The following HIVEP3 variants were observed in gnomAD, a reference collection of about 807,000 sequenced individuals.
HIVEP3 encodes transcription factor HIVEP3.
HIVEP3 carries 49 observed loss-of-function variants against 152.8 expected under a neutral mutation model. That is an observed-to-expected ratio of 0.32 (90% CI 0.26 to 0.41). The LOEUF is 0.41. Among genes scored for constraint, HIVEP3 ranks in the 10% least tolerant of loss-of-function variants. HIVEP3 has a pLI of 1.00. For synonymous variants in HIVEP3, 1,269 were observed against 1,289.0 expected (o/e 0.98, Z 0.33); for missense variants, 2,790 against 3,103.3 (o/e 0.90, Z 2.40).
rs187593261 is a variant in HIVEP3 at position 41,551,813 on chromosome 1, T to C, written c.5207+23731A>G. Among the ~76,000 whole-genome samples, 3 of 152,346 alleles carry C rather than the reference T, an allele frequency of 2.0e-5. No individual in the cohort carries two copies. In the East Asian group the frequency reaches 5.8e-4, roughly 29 times the overall value. On this transcript the variant is annotated intron_variant, in intron 5 of 8. Coordinates refer to ENST00000372583, the MANE Select transcript of HIVEP3 (RefSeq NM_024503.5). ...GCTAATGGTCTATCAATTTTGTTGA[T>C]CTTTTAAAAACACCAGGTCCTGGAT... is the stretch of plus-strand genomic sequence containing the variant.
At chr1:41,955,255 TG>T (rs1645134127) in intron 1 of HIVEP3, among the ~76,000 whole-genome samples, 1 of 151,322 alleles carries the variant, frequency 6.6e-6, no homozygotes, top group Non-Finnish European at 1.5e-5. Context: ...TGGGTAGGGG[TG>T]GGGTGGGAGC....
At chr1:41,803,956 G>A (rs897309591) in intron 1 of HIVEP3, among the ~76,000 whole-genome samples, 4 of 152,152 alleles carry the variant, frequency 2.6e-5, no homozygotes, top group African/African-American at 7.2e-5. Flanking sequence ...GAAGCACAGT[G>A]CCAAACCTGT....
At chr1:41,591,272 G>A (rs1169607860) in intron 3 of HIVEP3, among the ~76,000 whole-genome samples, 1 of 152,026 alleles carries the variant, frequency 6.6e-6, no homozygotes, top group African/African-American at 2.4e-5. Flanking sequence ...GGTTGAATTC[G>A]GAGGTCAAAG....
intron 5 of HIVEP3, among the ~76,000 whole-genome samples, chr1:41,529,880 C>G (rs958432240): frequency 1.4e-5 from 2 of 145,394 alleles, no homozygotes; most frequent in South Asian, 2.3e-4. Context: ...CACACTCCCA[C>G]TGATGCATAC....
intron 2 of HIVEP3, among the ~76,000 whole-genome samples, chr1:41,674,475 G>C (rs1645924161): frequency 6.6e-6 from 1 of 152,200 alleles, no homozygotes; most frequent in South Asian, 2.1e-4. Flanking sequence ...GGGATTCTCA[G>C]GGCAGGAACC....
intron 1 of HIVEP3, among the ~76,000 whole-genome samples, chr1:41,718,800 G>GTA (rs1558208194): frequency 2.7e-5 from 4 of 150,470 alleles, no homozygotes; most frequent in African/African-American, 9.8e-5. Flanking sequence ...ACACACACGT[G>GTA]CACACACACA....
At chr1:41,941,677 C>T (rs1209006480) in intron 1 of HIVEP3, among the ~76,000 whole-genome samples, 3 of 152,116 alleles carry the variant, frequency 2.0e-5, no homozygotes, top group Admixed American at 6.5e-5. Context: ...ACAGAGCACC[C>T]GGTTATGATC....
chr1:41,820,080 C>T (rs1372196598), intron 1 of HIVEP3, among the ~76,000 whole-genome samples: 1 of 152,038 alleles, frequency 6.6e-6, no homozygotes, highest in African/African-American at 2.4e-5. Context: ...ACTGGCCCAC[C>T]ACCTGTTAGA....
At chr1:41,878,858 TTCCC>T (rs558191474) in intron 1 of HIVEP3, among the ~76,000 whole-genome samples, 2 of 132,474 alleles carry the variant, frequency 1.5e-5, no homozygotes, top group African/African-American at 2.9e-5. Flanking sequence ...CCCTCTCTTC[TTCCC>T]TCCCTCCCTC....
chr1:41,678,331 A>G (rs544320371), intron 2 of HIVEP3, among the ~76,000 whole-genome samples: 14 of 152,248 alleles, frequency 9.2e-5, no homozygotes, highest in African/African-American at 3.1e-4. Flanking sequence ...CACCAGACCC[A>G]CAGGGCCTCC....
At chr1:42,028,877 C>G (rs1570902336) in intron 1 of HIVEP3, among the ~76,000 whole-genome samples, 1 of 152,146 alleles carries the variant, frequency 6.6e-6, no homozygotes, top group African/African-American at 2.4e-5. Context: ...AACTCAGGAG[C>G]CTATGCTGCA....
chr1:41,797,498 T>A (rs1007111921), intron 1 of HIVEP3, among the ~76,000 whole-genome samples: 1 of 152,066 alleles, frequency 6.6e-6, no homozygotes, highest in African/African-American at 2.4e-5. Flanking sequence ...ATTACATGCT[T>A]CTTCTTATTT....
At chr1:41,669,953 C>G (rs984850461) in intron 2 of HIVEP3, among the ~76,000 whole-genome samples, 34 of 152,196 alleles carry the variant, frequency 2.2e-4, no homozygotes, top group African/African-American at 7.9e-4. Context: ...CCAGGAGGAC[C>G]CCATATTCCT....
At position 41,509,170 on chromosome 1, in the gene HIVEP3, G is replaced by C. The variant is rs970171953; in HGVS notation, c.*1281C>G. On this transcript the variant is annotated 3_prime_UTR_variant, in exon 9 of 9. Transcript: ENST00000372583. ...TTAGGACAATTCAAAAATCCTCTAGGTCAAAAGAATCTGTGGTGGCTGGGT... is the reference window on the plus strand; with the variant it reads ...TTAGGACAATTCAAAAATCCTCTAGCTCAAAAGAATCTGTGGTGGCTGGGT... The C allele has an allele frequency of 6.6e-6, 1 of 152,150 alleles. No individual in the cohort carries two copies. Among genetic ancestry groups the C allele is most frequent in the African/African-American group, 2.4e-5 (1 of 41,422 alleles). 9.4% of individuals were successfully genotyped at this position (152,150 alleles called of 1,614,324 possible).
chr1:41,634,142 G>A (rs181820319), intron 2 of HIVEP3, among the ~76,000 whole-genome samples: 21 of 151,172 alleles, frequency 1.4e-4, no homozygotes, highest in East Asian at 3.9e-4. Context: ...AAAATTACTC[G>A]AGGAATCACT....
At chr1:41,716,460 A>C (rs897684091) in intron 1 of HIVEP3, among the ~76,000 whole-genome samples, 17 of 152,196 alleles carry the variant, frequency 1.1e-4, no homozygotes, top group Non-Finnish European at 2.4e-4. Flanking sequence ...CACCATGTAC[A>C]GAAGGAGCTA....
At chr1:41,681,652 A>G (rs1646040663) in intron 2 of HIVEP3, among the ~76,000 whole-genome samples, 1 of 152,190 alleles carries the variant, frequency 6.6e-6, no homozygotes, top group Non-Finnish European at 1.5e-5. Context: ...AGAATGGTGC[A>G]GCGCTGGCCT....
At chr1:41,942,508 G>T (rs1332749455) in intron 1 of HIVEP3, among the ~76,000 whole-genome samples, 1 of 152,206 alleles carries the variant, frequency 6.6e-6, no homozygotes, top group African/African-American at 2.4e-5. Flanking sequence ...TGCATGCATT[G>T]TTAGCAAGAA....
At chr1:41,644,629 C>G (rs563410376) in intron 2 of HIVEP3, among the ~76,000 whole-genome samples, 1 of 151,136 alleles carries the variant, frequency 6.6e-6, no homozygotes, top group East Asian at 1.9e-4. Flanking sequence ...AGGAATGTCT[C>G]CATTTGGTGG....
Sources: allele counts gnomAD v4.1 joint callset (sites outside exome capture counted in the v4.1 genomes callset), GRCh38; gene constraint gnomAD v4.1.1; transcripts MANE v1.5; gene names NCBI Gene and HGNC (gene_info 2026-07-23, HGNC 2026-07-21).